The following ASB15 variants were observed in gnomAD, a reference collection of about 807,000 sequenced individuals.
The protein encoded by ASB15 is ankyrin repeat and SOCS box containing 15, also known as ankyrin repeat and SOCS box protein 15.
In ASB15, 54 loss-of-function variants were observed where a neutral mutation model predicts 58.0. That is an observed-to-expected ratio of 0.93 (90% CI 0.75 to 1.17). The LOEUF (loss-of-function observed/expected upper bound fraction) is 1.17. Ranked by LOEUF, ASB15 falls within the 50% of genes most tolerant of loss-of-function variation. The pLI, the probability that ASB15 is intolerant of heterozygous loss-of-function variation, is 0.00. For synonymous variants in ASB15, 249 were observed against 262.4 expected (o/e 0.95, Z 0.50); for missense variants, 680 against 707.4 (o/e 0.96, Z 0.44).
chr7:123,627,022 C>T, intron 8 of ASB15, 88 bp from the exon 9 acceptor site: 2 of 1,386,998 alleles, frequency 1.4e-6, no homozygotes, highest in Non-Finnish European at 2.0e-6. Context: ...TGTGAGCCAC[C>T]ATGCCCAGCC....
chr7:123,626,005 A>T (rs1488364903), intron 8 of ASB15, among the ~76,000 whole-genome samples: 1 of 152,170 alleles, frequency 6.6e-6, no homozygotes, highest in African/African-American at 2.4e-5. Context: ...GCAGAGCCAC[A>T]GTCCCCTACA....
At chr7:123,591,314 T>C (rs897950075) in intron 1 of ASB15, among the ~76,000 whole-genome samples, 2 of 152,314 alleles carry the variant, frequency 1.3e-5, no homozygotes, top group East Asian at 3.9e-4. Context: ...CTGATTGCCC[T>C]GGCCAGAACT....
At chr7:123,610,400 T>G (rs1305787019) in intron 3 of ASB15, among the ~76,000 whole-genome samples, 1 of 152,248 alleles carries the variant, frequency 6.6e-6, no homozygotes, top group Non-Finnish European at 1.5e-5. Flanking sequence ...TTATTACTAT[T>G]GCCAAATGTA....
chr7:123,581,345 T>C (rs1799229514), intron 1 of ASB15, among the ~76,000 whole-genome samples: 1 of 151,442 alleles, frequency 6.6e-6, no homozygotes, highest in African/African-American at 2.4e-5. Flanking sequence ...ATCATTTTAC[T>C]ATTTGCCCTT....
chr7:123,589,063 G>A (rs1799456630), intron 1 of ASB15, among the ~76,000 whole-genome samples: 1 of 151,500 alleles, frequency 6.6e-6, no homozygotes, highest in Non-Finnish European at 1.5e-5. Flanking sequence ...ATGTCTGTTA[G>A]GTTCATTTAG....
chr7:123,624,726 C>A lies in ASB15; in HGVS notation c.609C>A (p.Val203=). ...VALLLKHGGN[V]HLRDGFGVTP... is the part of the protein sequence containing the mutation. ...TGCTGCTGAAACATGGAGGCAATGT[C>A]CACCTGAGAGATGGATTTGGAGTCA... Residue 203 remains valine (V), a synonymous_variant, in exon 8 of 12, where the codon GTC becomes GTA. Transcript: ENST00000451215. The A allele has an allele frequency of 1.2e-6, 2 of 1,614,152 alleles. No individual in the cohort carries two copies. The highest frequency in any genetic ancestry group is 1.7e-5 in the Admixed American group (1 of 60,018).
At chr7:123,588,764 T>C (rs890974386) in intron 1 of ASB15, among the ~76,000 whole-genome samples, 2 of 151,764 alleles carry the variant, frequency 1.3e-5, no homozygotes, top group Non-Finnish European at 2.9e-5. Flanking sequence ...TTTGGGTGTG[T>C]TCTATGTCCA....
chr7:123,633,905 T>C (rs1023631066), intron 11 of ASB15, among the ~76,000 whole-genome samples: 8 of 152,264 alleles, frequency 5.3e-5, no homozygotes, highest in Admixed American at 3.3e-4. Flanking sequence ...GACAAAAGAA[T>C]TCAGGGGCTA....
At chr7:123,595,440 G>A (rs532588497) in intron 1 of ASB15, among the ~76,000 whole-genome samples, 1 of 152,276 alleles carries the variant, frequency 6.6e-6, no homozygotes, top group African/African-American at 2.4e-5. Flanking sequence ...CTTTGTGAAA[G>A]TTCTCAGCAC....
At chr7:123,567,768 G>A (rs74816689) in intron 1 of ASB15, among the ~76,000 whole-genome samples, 4 of 151,544 alleles carry the variant, frequency 2.6e-5, no homozygotes, top group East Asian at 3.9e-4. Flanking sequence ...TAGCAAAAGC[G>A]AAAATAACCC....
At chr7:123,593,284 ATTG>A (rs993171299) in intron 1 of ASB15, among the ~76,000 whole-genome samples, 4 of 152,034 alleles carry the variant, frequency 2.6e-5, no homozygotes, top group African/African-American at 9.7e-5. Context: ...TAAGGTTAAT[ATTG>A]TTATGTGTGA....
At chr7:123,627,504 A>G (rs745884720) in intron 9 of ASB15, among the ~76,000 whole-genome samples, 5 of 152,188 alleles carry the variant, frequency 3.3e-5, no homozygotes, top group Non-Finnish European at 5.9e-5. Flanking sequence ...TTTATAATGA[A>G]AAGAAATTTT....
At chr7:123,568,642 C>T (rs990823632) in intron 1 of ASB15, among the ~76,000 whole-genome samples, 1 of 151,990 alleles carries the variant, frequency 6.6e-6, no homozygotes, top group African/African-American at 2.4e-5. Flanking sequence ...GGAAATGTTG[C>T]TCCTCATTTA....
chr7:123,581,218 T>G (rs1799226271), intron 1 of ASB15, among the ~76,000 whole-genome samples: 1 of 151,928 alleles, frequency 6.6e-6, no homozygotes, highest in African/African-American at 2.4e-5. Context: ...TGATACTTAC[T>G]AGATAGTAGA....
At chr7:123,625,081 C>A in intron 8 of ASB15, 1 of 385,200 alleles carries the variant, frequency 2.6e-6, no homozygotes. Context: ...ACATAGATGG[C>A]CCATCAGGGC....
intron 7 of ASB15, among the ~76,000 whole-genome samples, chr7:123,621,926 G>A (rs1801356116): frequency 6.6e-6 from 1 of 152,180 alleles, no homozygotes; most frequent in South Asian, 2.1e-4. Context: ...GACGCTCAGG[G>A]ACCATCTGGC....
At chr7:123,594,177 C>T (rs1799627147) in intron 1 of ASB15, among the ~76,000 whole-genome samples, 1 of 152,068 alleles carries the variant, frequency 6.6e-6, no homozygotes, top group East Asian at 1.9e-4. Flanking sequence ...TTTGCCATTC[C>T]TCTAACCTTT....
At chr7:123,588,538 CTTCT>C (rs1479893488) in intron 1 of ASB15, among the ~76,000 whole-genome samples, 1 of 147,358 alleles carries the variant, frequency 6.8e-6, no homozygotes, top group African/African-American at 2.5e-5. Context: ...TCTTTCTTTC[CTTCT>C]TTTTCTTTCT....
intron 1 of ASB15, among the ~76,000 whole-genome samples, chr7:123,575,326 C>A (rs1009599725): frequency 1.3e-5 from 2 of 152,026 alleles, no homozygotes; most frequent in East Asian, 1.9e-4. Context: ...AGTAAAACAC[C>A]GCCTTTCTTA....
Sources: gnomAD v4.1 joint callset for allele counts (sites outside exome capture counted in the v4.1 genomes callset) on GRCh38, gnomAD v4.1.1 for gene constraint, MANE v1.5 for transcripts, NCBI Gene and HGNC (gene_info 2026-07-23, HGNC 2026-07-21) for gene names.